Variants in FAM228A observed in about 807,000 individuals in gnomAD.
FAM228A encodes protein FAM228A.
FAM228A carries 13 observed loss-of-function variants against 18.6 expected under a neutral mutation model. The ratio of observed to expected loss-of-function variants is 0.70; its 90% confidence interval spans 0.45 to 1.11. The LOEUF (loss-of-function observed/expected upper bound fraction) is 1.11. Ranked by LOEUF, FAM228A falls within the 50% of genes least tolerant of loss-of-function variation. The pLI is 0.00. For synonymous variants in FAM228A, 77 were observed against 86.6 expected (o/e 0.89, Z 0.61); for missense variants, 240 against 242.2 (o/e 0.99, Z 0.06).
chr2:24,181,874 A>G (rs1667823584), intron 3 of FAM228A, among the ~76,000 whole-genome samples: 1 of 152,230 alleles, frequency 6.6e-6, no homozygotes, highest in African/African-American at 2.4e-5. Flanking sequence ...ATAGGAACTC[A>G]AAGTAATTTA....
intron 3 of FAM228A, among the ~76,000 whole-genome samples, chr2:24,179,962 A>AG (rs1667777400): frequency 1.3e-5 from 2 of 152,210 alleles, no homozygotes; most frequent in African/African-American, 4.8e-5. Context: ...GCCAACCAGT[A>AG]GGTATTAGGA....
chr2:24,176,202 A>C (rs1573799483), intron 2 of FAM228A: 1 of 984,478 alleles, frequency 1.0e-6, no homozygotes, highest in East Asian at 1.1e-4. Context: ...CAATCTTACT[A>C]GGATGTTCTT....
chr2:24,185,310 G>C (rs1667921805), intron 5 of FAM228A, among the ~76,000 whole-genome samples: 1 of 151,986 alleles, frequency 6.6e-6, no homozygotes, highest in Non-Finnish European at 1.5e-5. Context: ...ATTCACTGCT[G>C]TTATGTATAC....
intron 5 of FAM228A, among the ~76,000 whole-genome samples, chr2:24,184,444 A>G (rs1053859926): frequency 4.6e-5 from 7 of 150,784 alleles, no homozygotes; most frequent in Non-Finnish European, 8.8e-5. Context: ...TTGTACATGT[A>G]CAGTTCATTG....
At chr2:24,186,630 T>TTTGTA (rs1558405032) in intron 5 of FAM228A, among the ~76,000 whole-genome samples, 2 of 151,996 alleles carry the variant, frequency 1.3e-5, no homozygotes, top group African/African-American at 4.8e-5. Context: ...AATGTGGACA[T>TTTGTA]TTTTATTTTA....
At chr2:24,183,753 T>TTTA (rs1360538067) in intron 5 of FAM228A, 108 bp downstream of exon 5, 6 of 871,192 alleles carry the variant, frequency 6.9e-6, no homozygotes, top group Non-Finnish European at 1.0e-5. Context: ...AGTTTATAGT[T>TTTA]TTATTATTAT....
intron 3 of FAM228A, among the ~76,000 whole-genome samples, chr2:24,180,407 G>A (rs914758329): frequency 2.0e-5 from 3 of 152,108 alleles, no homozygotes; most frequent in Admixed American, 6.6e-5. Flanking sequence ...AGCCATGATC[G>A]TGTCACTGCA....
At chr2:24,176,466 T>TG (rs1473954754) in intron 2 of FAM228A, among the ~76,000 whole-genome samples, 1 of 152,244 alleles carries the variant, frequency 6.6e-6, no homozygotes, top group Admixed American at 6.5e-5. Flanking sequence ...TTCTCCTGCC[T>TG]GGGCCTTCAG....
intron 3 of FAM228A, among the ~76,000 whole-genome samples, chr2:24,178,262 A>G (rs1181025337): frequency 2.6e-5 from 4 of 152,236 alleles, no homozygotes; most frequent in African/African-American, 7.2e-5. Flanking sequence ...GATAGTCACT[A>G]CGAAATTAGC....
chr2:24,182,366 T>G (rs940687407), intron 3 of FAM228A, among the ~76,000 whole-genome samples: 5 of 152,162 alleles, frequency 3.3e-5, no homozygotes, highest in Non-Finnish European at 5.9e-5. Flanking sequence ...CTGGGTAGAA[T>G]GTCAGCATCT....
At chr2:24,175,750 C>G in intron 2 of FAM228A, 177 bp downstream of exon 2, 1 of 752,046 alleles carries the variant, frequency 1.3e-6, no homozygotes, top group South Asian at 1.9e-5. Flanking sequence ...AAGAGTGTTT[C>G]CAGTCGCCAG....
chr2:24,190,165 G>A (rs1668045999), intron 5 of FAM228A, among the ~76,000 whole-genome samples: 1 of 152,174 alleles, frequency 6.6e-6, no homozygotes, highest in African/African-American at 2.4e-5. Flanking sequence ...CATAGGGATT[G>A]AAGCTCTGGA....
chr2:24,188,629 T>C, intron 5 of FAM228A: 1 of 985,422 alleles, frequency 1.0e-6, no homozygotes. Context: ...GAAATCAGTC[T>C]CTACCTTGGT....
intron 5 of FAM228A, among the ~76,000 whole-genome samples, chr2:24,184,294 C>T (rs1248052317): frequency 6.6e-6 from 1 of 151,442 alleles, no homozygotes; most frequent in Non-Finnish European, 1.5e-5. Context: ...GCAGGAGAAT[C>T]GCTTGAACTC....
chr2:24,177,032 G>T (rs1026711935), intron 2 of FAM228A, among the ~76,000 whole-genome samples: 5 of 152,220 alleles, frequency 3.3e-5, no homozygotes, highest in African/African-American at 1.2e-4. Context: ...GAGGCCATGA[G>T]CTCTCACTAA....
intron 3 of FAM228A, chr2:24,179,328 T>G: frequency 2.1e-6 from 1 of 473,136 alleles, no homozygotes; most frequent in Non-Finnish European, 2.9e-6. Flanking sequence ...AAATAGAGTA[T>G]AATTTGAAGA....
chr2:24,180,927 G>A (rs999881806), intron 3 of FAM228A, among the ~76,000 whole-genome samples: 7 of 152,158 alleles, frequency 4.6e-5, no homozygotes, highest in Non-Finnish European at 1.0e-4. Context: ...CCAAGGAAAT[G>A]ACACGAGGGG....
intron 5 of FAM228A, among the ~76,000 whole-genome samples, chr2:24,189,942 C>G (rs747074347): frequency 2.6e-4 from 40 of 152,004 alleles, no homozygotes; most frequent in Non-Finnish European, 4.9e-4. Context: ...GCCAGGCGCT[C>G]GGGGGACTGA....
At chr2:24,177,246 C>T (rs1200801577) in intron 2 of FAM228A, among the ~76,000 whole-genome samples, 1 of 152,156 alleles carries the variant, frequency 6.6e-6, no homozygotes, top group Non-Finnish European at 1.5e-5. Context: ...TCGAGAGCAG[C>T]CTGGCCAACA....
Sources: allele counts gnomAD v4.1 joint callset (sites outside exome capture counted in the v4.1 genomes callset), GRCh38; gene constraint gnomAD v4.1.1; transcripts MANE v1.5; gene names NCBI Gene and HGNC (gene_info 2026-07-23, HGNC 2026-07-21).